The following SYNE3 variants were observed in gnomAD, a reference collection of about 807,000 sequenced individuals.
SYNE3 encodes nesprin-3.
SYNE3 carries 100 observed loss-of-function variants against 111.2 expected under a neutral mutation model. That is an observed-to-expected ratio of 0.90 (90% CI 0.77 to 1.06). The LOEUF (loss-of-function observed/expected upper bound fraction) is 1.06, where lower values mean the gene tolerates loss of function less well. SYNE3 is among the 50% of genes least tolerant of loss of function. The pLI is 0.00. For synonymous variants in SYNE3, 547 were observed against 533.9 expected (o/e 1.02, Z -0.34); for missense variants, 1,160 against 1,240.3 (o/e 0.94, Z 0.97).
rs764274005 is a variant in SYNE3, at chr14:95,417,569, G to C, written c.*257C>G. On this transcript the variant is annotated 3_prime_UTR_variant, in exon 18 of 18. Coordinates refer to ENST00000682763, the MANE Select transcript of SYNE3 (RefSeq NM_152592.6). ...TCGTATATGAAATTATACATACTGA[G>C]CATTTACATACAGATCATATAAAAA... The C allele has an allele frequency of 1.3e-4, 72 of 537,868 alleles. No individual in the cohort carries two copies. The highest frequency in any genetic ancestry group is 2.2e-4 in the Non-Finnish European group (65 of 298,536). 33.3% of individuals were successfully genotyped at this position (537,868 alleles called of 1,614,324 possible). A position where few individuals can be genotyped will look rare whatever the true frequency, so the allele number is the denominator to read the frequency against.
In SYNE3 at chr14:95,483,659, G is replaced by A. The variant is rs1386164320; in HGVS notation, c.-14-7824C>T. Among the ~76,000 whole-genome samples the A allele has an allele frequency of 2.6e-5, 4 of 152,178 alleles. No individual in the cohort carries two copies. The East Asian group carries it at 5.8e-4, about 22-fold the overall frequency. ...GGAGGGATAGGAACTCAACGGTAGCGCCCATGCATTATCTCATTTAATCTC... is the reference window on the plus strand; with the variant it reads ...GGAGGGATAGGAACTCAACGGTAGCACCCATGCATTATCTCATTTAATCTC... On this transcript the variant is annotated intron_variant, in intron 1 of 17. Coordinates refer to ENST00000682763, the MANE Select transcript of SYNE3 (RefSeq NM_152592.6).
Position 95,472,239 on chromosome 14 carries a change from G to A in SYNE3, c.144+3439C>T, listed in dbSNP as rs1358308291. ...GAATCCAAGCCTTGAGAAACACCAG[G>A]GTGCTCCTGACCAAGACGGTGGCCC... On this transcript the variant is annotated intron_variant, in intron 2 of 17. Transcript: ENST00000682763. Among the ~76,000 whole-genome samples, 3 of 152,206 alleles carry A rather than the reference G, an allele frequency of 2.0e-5. No individual in the cohort carries two copies. In the East Asian group the frequency reaches 5.8e-4, roughly 29 times the overall value.
intron 4 of SYNE3, among the ~76,000 whole-genome samples, chr14:95,464,538 C>A (rs1480138909): frequency 1.3e-5 from 2 of 152,204 alleles, no homozygotes; most frequent in Admixed American, 1.3e-4. Flanking sequence ...ACAAAAAAAA[C>A]CAATCACCCT....
In SYNE3 at chr14:95,433,424, A is replaced by G; in HGVS notation, c.2539-15T>C. The stretch of plus-strand genomic sequence containing the variant: ...GCCTCCAGCTCCTGGGGGAAACAGC[A>G]GCGTCATGGTGCGGCTTCCAAATGG... On this transcript the variant is annotated splice_polypyrimidine_tract_variant and intron_variant, in intron 15 of 17. Coordinates refer to ENST00000682763, the MANE Select transcript of SYNE3 (RefSeq NM_152592.6). 2 of 1,613,448 alleles carry G rather than the reference A, an allele frequency of 1.2e-6. No homozygotes were observed.
At chr14:95,481,357 C>A (rs567118294) in intron 1 of SYNE3, among the ~76,000 whole-genome samples, 1 of 152,128 alleles carries the variant, frequency 6.6e-6, no homozygotes, top group African/African-American at 2.4e-5. Context: ...AAAGCCCCTC[C>A]GAGTCCAGCT....
At chr14:95,469,748 A>G (rs186832405) in intron 2 of SYNE3, among the ~76,000 whole-genome samples, 269 of 152,190 alleles carry the variant, frequency 1.8e-3, no homozygotes, top group Middle Eastern at 6.8e-3. Context: ...TAAAATAAAA[A>G]CACTATGAAT....
chr14:95,455,391 AG>A lies in SYNE3; in HGVS notation c.1122del (p.Trp375GlyfsTer25). ...KAGTEDELVAHWRRYSATRAA... is the reference protein window; with the variant it reads ...KAGTEDELVAXWRRYSATRAA... ...AGCACGCTTACCGAGTAGCGTCTCC[AG>A]TGTGCCACCAGCTCGTCCTCGGTCC... On this transcript the variant is annotated frameshift_variant, in exon 6 of 18. Transcript: ENST00000682763. LOFTEE classifies it high-confidence loss of function. 1.3e-6 allele frequency: 2 copies of A among 1,544,224 alleles called. No homozygotes were observed. The highest frequency in any genetic ancestry group is 2.5e-5 in the South Asian group (2 of 80,330).
intron 1 of SYNE3, among the ~76,000 whole-genome samples, chr14:95,506,457 C>G (rs560885872): frequency 3.3e-5 from 5 of 152,322 alleles, no homozygotes; most frequent in East Asian, 3.9e-4. Context: ...TTGGCTGGGT[C>G]GACTCTGGCC....
At position 95,450,050 on chromosome 14, in the gene SYNE3, G is replaced by T. The variant is rs780002803; in HGVS notation, c.1330C>A (p.His444Asn). 3 of 1,566,690 alleles carry T rather than the reference G, an allele frequency of 1.9e-6. No individual in the cohort carries two copies. In the South Asian group the frequency reaches 3.5e-5, roughly 18 times the overall value. ...RNAAAVELWQHFQRPLQDLQL... is the reference protein window; with the variant it reads ...RNAAAVELWQNFQRPLQDLQL... ...AGATCCTGCAGAGGCCGCTGGAAAT[G>T]CTGCCACAGCTCCACCGCCGCGGCA... Residue 444 changes from histidine to asparagine, a missense_variant, in exon 8 of 18, where the codon CAT (histidine) becomes AAT (asparagine). By Grantham distance (68) the His-to-Asn change is moderately conservative. Transcript: ENST00000682763.
intron 1 of SYNE3, among the ~76,000 whole-genome samples, chr14:95,484,995 T>C (rs1054434700): frequency 1.3e-5 from 2 of 152,040 alleles, no homozygotes; most frequent in Non-Finnish European, 2.9e-5. Context: ...GGGCTAAGAA[T>C]TTGCATTTCT....
chr14:95,455,382 A>C lies in SYNE3; in HGVS notation c.1132T>G (p.Tyr378Asp). ...ACTCGGCCAAGCACGCTTACCGAGT[A>C]GCGTCTCCAGTGTGCCACCAGCTCG... The part of the protein sequence containing the change: ...EDELVAHWRR[Y>D]SATRAALASE... Residue 378 changes from tyrosine to aspartate, a missense_variant, in exon 6 of 18, where the codon TAC (tyrosine) becomes GAC (aspartate). By Grantham distance (160) the Tyr-to-Asp change is radical (BLOSUM62 -3). Coordinates refer to ENST00000682763, the MANE Select transcript of SYNE3 (RefSeq NM_152592.6). 2 of 1,533,930 alleles carry C rather than the reference A, an allele frequency of 1.3e-6. No individual in the cohort carries two copies. Among genetic ancestry groups the C allele is most frequent in the Non-Finnish European group, 1.8e-6 (2 of 1,141,340 alleles).
chr14:95,469,837 C>T (rs557495761), intron 2 of SYNE3, among the ~76,000 whole-genome samples: 1 of 152,292 alleles, frequency 6.6e-6, no homozygotes, highest in Non-Finnish European at 1.5e-5. Flanking sequence ...TGCAAATGGG[C>T]AATGGTCCCC....
intron 5 of SYNE3, 51 bp from the exon 6 acceptor site, chr14:95,455,775 G>A: frequency 6.4e-7 from 1 of 1,573,504 alleles, no homozygotes; most frequent in Admixed American, 1.7e-5. Flanking sequence ...AAAGAATACA[G>A]TTGCTGCATT....
chr14:95,434,198 T>C (rs976307005), intron 15 of SYNE3, among the ~76,000 whole-genome samples: 5 of 151,812 alleles, frequency 3.3e-5, no homozygotes, highest in Non-Finnish European at 5.9e-5. Context: ...ACAAAATATT[T>C]AAAGCATTTT....
chr14:95,455,836 T>G (rs1361120407), intron 5 of SYNE3, 112 bp from the exon 6 acceptor site: 2 of 1,109,300 alleles, frequency 1.8e-6, no homozygotes, highest in Non-Finnish European at 2.6e-6. Context: ...CCTGGAGTCC[T>G]GCGTTAGAGC....
At chr14:95,479,673 G>A (rs1037502093) in intron 1 of SYNE3, among the ~76,000 whole-genome samples, 2 of 152,202 alleles carry the variant, frequency 1.3e-5, no homozygotes, top group Admixed American at 6.5e-5. Flanking sequence ...GGTGGAGGGC[G>A]GGGATGGACG....
chr14:95,481,495 T>C (rs1889249441), intron 1 of SYNE3, among the ~76,000 whole-genome samples: 3 of 152,104 alleles, frequency 2.0e-5, no homozygotes, highest in African/African-American at 7.2e-5. Context: ...CCTAGACCCA[T>C]GTTGGGGGCC....
intron 1 of SYNE3, among the ~76,000 whole-genome samples, chr14:95,483,250 T>A (rs1366841531): frequency 6.6e-6 from 1 of 152,056 alleles, no homozygotes; most frequent in Non-Finnish European, 1.5e-5. Flanking sequence ...AAACCCCAGC[T>A]CCCATGGCAG....
At chr14:95,512,731 G>A (rs968332549) in intron 1 of SYNE3, among the ~76,000 whole-genome samples, 2 of 151,690 alleles carry the variant, frequency 1.3e-5, no homozygotes, top group African/African-American at 4.8e-5. Flanking sequence ...GGTGGTGGGC[G>A]CCTGTAGTCC....
Sources: gnomAD v4.1 joint callset for allele counts (sites outside exome capture counted in the v4.1 genomes callset) on GRCh38, gnomAD v4.1.1 for gene constraint, MANE v1.5 for transcripts, NCBI Gene and HGNC (gene_info 2026-07-23, HGNC 2026-07-21) for gene names.